UQCC1: variants seen among roughly 807,000 people sequenced by gnomAD.
UQCC1 encodes bFGF-repressed Zic-binding protein.
A neutral mutation model predicts 48.0 loss-of-function variants in UQCC1; 38 were observed. The ratio of observed to expected loss-of-function variants is 0.79; its 90% CI spans 0.61 to 1.04. The LOEUF (loss-of-function observed/expected upper bound fraction) is 1.04. UQCC1 is among the 50% of genes least tolerant of loss of function. The pLI, the probability that UQCC1 is intolerant of heterozygous loss-of-function variation, is 0.00. For synonymous variants in UQCC1, 111 were observed against 129.2 expected, an observed-to-expected ratio of 0.86 and a Z score of 0.95; for missense variants, 368 against 381.8, an observed-to-expected ratio of 0.96 and a Z score of 0.30.
chr20:35,312,287 T>C (rs1234174508), intron 8 of UQCC1, among the ~76,000 whole-genome samples: 1 of 152,190 alleles, frequency 6.6e-6, no homozygotes, highest in Admixed American at 6.5e-5. Flanking sequence ...ATGATGTGTA[T>C]AGTATGCAAT....
At chr20:35,397,580 C>CT (rs367619138) in intron 1 of UQCC1, among the ~76,000 whole-genome samples, 1 of 150,078 alleles carries the variant, frequency 6.7e-6, no homozygotes. Flanking sequence ...AACATGTAGA[C>CT]TTTTTTTTTC....
intron 7 of UQCC1, among the ~76,000 whole-genome samples, chr20:35,336,718 T>C (rs2061320360): frequency 6.6e-6 from 1 of 152,230 alleles, no homozygotes; most frequent in Admixed American, 6.5e-5. Flanking sequence ...GGTAATCTGC[T>C]GTAACTGCTA....
chr20:35,382,213 C>T (rs201239309), intron 3 of UQCC1, among the ~76,000 whole-genome samples, 188 bp from the exon 4 acceptor site: 1 of 152,028 alleles, frequency 6.6e-6, no homozygotes, highest in African/African-American at 2.4e-5. Context: ...CTCAAGTGAT[C>T]CTCCTGCCTC....
At chr20:35,367,582 G>C (rs946200457) in intron 5 of UQCC1, among the ~76,000 whole-genome samples, 1 of 151,866 alleles carries the variant, frequency 6.6e-6, no homozygotes, top group Non-Finnish European at 1.5e-5. Context: ...AACATAGTGA[G>C]ACCCCATCTC....
chr20:35,349,622 T>G (rs1269320368), intron 6 of UQCC1, among the ~76,000 whole-genome samples: 1 of 152,226 alleles, frequency 6.6e-6, no homozygotes, highest in Non-Finnish European at 1.5e-5. Flanking sequence ...AGAAGTATCT[T>G]AAGAAGACCA....
At chr20:35,327,884 C>T (rs2061212444) in intron 7 of UQCC1, among the ~76,000 whole-genome samples, 1 of 151,964 alleles carries the variant, frequency 6.6e-6, no homozygotes, top group Admixed American at 6.6e-5. Flanking sequence ...TGCCTGTAGT[C>T]CCAGCTACTA....
intron 7 of UQCC1, among the ~76,000 whole-genome samples, chr20:35,320,234 G>A (rs1302914974): frequency 6.6e-6 from 1 of 152,168 alleles, no homozygotes; most frequent in Non-Finnish European, 1.5e-5. Flanking sequence ...TTCAAGTCTG[G>A]AGACGGGTCC....
intron 1 of UQCC1, among the ~76,000 whole-genome samples, chr20:35,402,182 C>T (rs144151028): frequency 0.014 from 2,199 of 152,272 alleles, 51 homozygotes; most frequent in African/African-American, 0.049. Flanking sequence ...GTGGCTCACG[C>T]CTGTAATCCC....
At chr20:35,408,826 G>A (rs2062291802) in intron 1 of UQCC1, among the ~76,000 whole-genome samples, 1 of 151,602 alleles carries the variant, frequency 6.6e-6, no homozygotes, top group Non-Finnish European at 1.5e-5. Context: ...CTACACTTCA[G>A]CACGCATGAC....
At chr20:35,385,826 T>C (rs1224426156) in intron 2 of UQCC1, among the ~76,000 whole-genome samples, 1 of 151,920 alleles carries the variant, frequency 6.6e-6, no homozygotes, top group Non-Finnish European at 1.5e-5. Flanking sequence ...GGCTGGGATT[T>C]TTTTTTTTTT....
intron 7 of UQCC1, among the ~76,000 whole-genome samples, chr20:35,316,970 C>T (rs182939643): frequency 4.2e-5 from 6 of 144,508 alleles, no homozygotes; most frequent in Admixed American, 2.8e-4. Context: ...GAGTCTCGCT[C>T]TCTTGGCCAG....
rs72469122 is a variant in UQCC1, at chr20:35,367,092, TA to T, written c.407-479del. ...CTGGGCAATAGAGTGAGACTCTGTC[TA>T]AAAAAAAAAAAAAAAACAAACAAAA... On this transcript the variant is annotated intron_variant, in intron 5 of 9. Transcript: ENST00000374385. 2.5e-3 allele frequency among the ~76,000 whole-genome samples: 253 copies of T among 101,774 alleles called. 1 individual carries two copies. The highest frequency in any genetic ancestry group is 3.2e-3 in the Non-Finnish European group (161 of 50,018). The allele number at this position is 101,774 out of a possible 152,430, so 66.8% of individuals were successfully genotyped here.
intron 3 of UQCC1, among the ~76,000 whole-genome samples, 175 bp downstream of exon 3, chr20:35,383,863 A>G (rs372321038): frequency 1.3e-5 from 2 of 152,068 alleles, no homozygotes; most frequent in African/African-American, 4.8e-5. Context: ...AAAAAAAAAA[A>G]TTCATTTTGT....
rs557866932 is a variant in UQCC1 at position 35,396,593 on chromosome 20, T to G, written c.25-2397A>C. Among the ~76,000 whole-genome samples the G allele has an allele frequency of 2.0e-5, 3 of 152,286 alleles. No homozygotes were observed. The East Asian group carries it at 5.8e-4, about 29-fold the overall frequency. On this transcript the variant is annotated intron_variant, in intron 1 of 9. Transcript: ENST00000374385. ...GAGGAGGAAACTAGGGTAGAAGTTT[T>G]GCAGTGGGAAAACACACGTGGGCAA...
At chr20:35,314,325 T>G (rs541286348) in intron 8 of UQCC1, among the ~76,000 whole-genome samples, 2 of 152,246 alleles carry the variant, frequency 1.3e-5, no homozygotes, top group South Asian at 4.1e-4. Flanking sequence ...GTGTATACTT[T>G]GCCTGGCAGA....
Position 35,303,670 on chromosome 20 carries a change from T to G in UQCC1, c.*265A>C. 2.1e-6 allele frequency: 1 copy of G among 474,342 alleles called. No homozygotes were observed. Among genetic ancestry groups the G allele is most frequent in the Non-Finnish European group, 3.8e-6 (1 of 260,726 alleles). 29.4% of individuals were successfully genotyped at this position (474,342 alleles called of 1,614,324 possible). A position where few individuals can be genotyped will look rare whatever the true frequency, so the allele number is the denominator to read the frequency against. ...GTAGTTGCTGGAGGGGGTTGGGGAG[T>G]GTGTGCTGGGGGACTCTCACTCGGG... On this transcript the variant is annotated 3_prime_UTR_variant, in exon 10 of 10. Transcript: ENST00000374385.
At chr20:35,318,679 T>C (rs1449954950) in intron 7 of UQCC1, among the ~76,000 whole-genome samples, 3 of 152,144 alleles carry the variant, frequency 2.0e-5, no homozygotes, top group Admixed American at 6.5e-5. Flanking sequence ...GATTAGATCA[T>C]GAAAAGGGGC....
chr20:35,356,448 G>GA (rs11475597), intron 6 of UQCC1, among the ~76,000 whole-genome samples: 5 of 150,720 alleles, frequency 3.3e-5, no homozygotes, highest in African/African-American at 4.9e-5. Flanking sequence ...AAGAAAGAAA[G>GA]AAAAAAAAAA....
chr20:35,387,077 G>A (rs1366694575), intron 2 of UQCC1, among the ~76,000 whole-genome samples: 1 of 151,798 alleles, frequency 6.6e-6, no homozygotes, highest in African/African-American at 2.4e-5. Flanking sequence ...AGGAGTTAGA[G>A]ACCAGCCTGG....
Sources: gnomAD v4.1 joint callset for allele counts (sites outside exome capture counted in the v4.1 genomes callset) on GRCh38, gnomAD v4.1.1 for gene constraint, MANE v1.5 for transcripts, NCBI Gene and HGNC (gene_info 2026-07-23, HGNC 2026-07-21) for gene names.